The following PCDH11X variants were observed in gnomAD, a reference collection of about 807,000 sequenced individuals.
PCDH11X encodes protocadherin 11 X-linked, also known as protocadherin-11 X-linked.
A neutral mutation model predicts 53.3 loss-of-function variants in PCDH11X; 18 were observed. The ratio of observed to expected loss-of-function variants is 0.34; its 90% CI spans 0.23 to 0.50. The LOEUF (loss-of-function observed/expected upper bound fraction) is 0.50, where lower values mean the gene tolerates loss of function less well. Among genes scored for constraint, PCDH11X ranks in the 20% least tolerant of loss-of-function variants. The pLI is 0.98. For synonymous variants in PCDH11X, 279 were observed against 393.3 expected (o/e 0.71, Z 3.44); for missense variants, 570 against 1,032.4 (o/e 0.55, Z 6.14).
intron 6 of PCDH11X, among the ~76,000 whole-genome samples, chrX:92,077,562 A>ATGAG (rs2063791723): frequency 1.8e-5 from 2 of 109,957 alleles, no homozygotes; most frequent in Non-Finnish European, 3.8e-5. Context: ...TTGCTTCTAC[A>ATGAG]GCAGGCCTCA....
intron 6 of PCDH11X, among the ~76,000 whole-genome samples, chrX:92,013,347 A>G (rs1326798166): frequency 1.1e-4 from 12 of 111,621 alleles, no homozygotes; most frequent in Non-Finnish European, 1.7e-4. Context: ...ACCTCTTCGA[A>G]GAGAACTACA....
intron 6 of PCDH11X, among the ~76,000 whole-genome samples, chrX:91,908,213 C>G (rs746524053): frequency 9.0e-6 from 1 of 111,654 alleles, no homozygotes; most frequent in South Asian, 3.7e-4. Context: ...GCAAAACAAT[C>G]AAGTAAACAG....
In PCDH11X at chrX:92,591,726, C is replaced by T. The variant is rs1404430118; in HGVS notation, c.3368-26538C>T. On this transcript the variant is annotated intron_variant, in intron 10 of 10. Coordinates refer to ENST00000682573, the MANE Select transcript of PCDH11X (RefSeq NM_032968.5). ...CAGGTAGCCAGTCTGAGAGGACAAG[C>T]GGTCTGAGATGAATCAGCATGTTCT... 5.4e-5 allele frequency among the ~76,000 whole-genome samples: 6 copies of T among 111,478 alleles called. No homozygotes were observed. In the South Asian group the frequency reaches 1.5e-3, roughly 28 times the overall value.
At chrX:91,907,370 A>AAC (rs777259208) in intron 6 of PCDH11X, among the ~76,000 whole-genome samples, 715 of 36,052 alleles carry the variant, frequency 0.02, 24 homozygotes, top group African/African-American at 0.05. Context: ...CACCACCCTC[A>AAC]ACACACACAC....
intron 9 of PCDH11X, among the ~76,000 whole-genome samples, chrX:92,415,999 T>A (rs1015693534): frequency 1.8e-5 from 2 of 111,967 alleles, no homozygotes; most frequent in African/African-American, 6.5e-5. Flanking sequence ...GTTTATTATA[T>A]GAGAGTGAAC....
intron 8 of PCDH11X, among the ~76,000 whole-genome samples, chrX:92,293,552 G>A (rs2148460354): frequency 9.3e-6 from 1 of 107,551 alleles, no homozygotes; most frequent in East Asian, 3.0e-4. Context: ...TGAACCAGGA[G>A]GCGGAGCTGG....
At chrX:92,026,266 C>A (rs1463235751) in intron 6 of PCDH11X, among the ~76,000 whole-genome samples, 1 of 110,462 alleles carries the variant, frequency 9.1e-6, no homozygotes, top group Non-Finnish European at 1.9e-5. Context: ...TTTCAGTGTC[C>A]ATAAATGAAG....
At chrX:92,432,688 A>G (rs1227912187) in intron 9 of PCDH11X, among the ~76,000 whole-genome samples, 3 of 108,678 alleles carry the variant, frequency 2.8e-5, no homozygotes, top group Non-Finnish European at 5.8e-5. Context: ...ATTTGTTCAC[A>G]TATATGATAG....
chrX:92,368,988 T>C (rs1347377555), intron 8 of PCDH11X, among the ~76,000 whole-genome samples: 1 of 98,638 alleles, frequency 1.0e-5, no homozygotes, highest in Non-Finnish European at 2.1e-5. Context: ...AGGGACCTAC[T>C]TGAGGAGGCC....
chrX:92,465,723 G>A (rs1384031580), intron 9 of PCDH11X, among the ~76,000 whole-genome samples: 8 of 111,212 alleles, frequency 7.2e-5, no homozygotes, highest in South Asian at 7.4e-4. Context: ...GTGTGTATGC[G>A]ATAATGTAGC....
chrX:92,183,004 C>T (rs5942147), intron 6 of PCDH11X, among the ~76,000 whole-genome samples: 55,465 of 109,771 alleles, frequency 0.51, 10,623 homozygotes, highest in Non-Finnish European at 0.6. Flanking sequence ...TCTCTGTTGC[C>T]CCTGAAAAGA....
chrX:92,440,626 C>T (rs1207620246), intron 9 of PCDH11X, among the ~76,000 whole-genome samples: 6 of 110,810 alleles, frequency 5.4e-5, no homozygotes, highest in Non-Finnish European at 9.4e-5. Context: ...GTGACTTGCC[C>T]CTCCTTGCCT....
intron 8 of PCDH11X, among the ~76,000 whole-genome samples, chrX:92,315,649 C>T (rs1361031422): frequency 9.1e-6 from 1 of 109,321 alleles, no homozygotes; most frequent in Non-Finnish European, 1.9e-5. Flanking sequence ...CGATCCTCAA[C>T]ATCATCCTCT....
chrX:92,014,904 A>T (rs1233917157), intron 6 of PCDH11X, among the ~76,000 whole-genome samples: 2 of 110,616 alleles, frequency 1.8e-5, no homozygotes, highest in African/African-American at 6.6e-5. Flanking sequence ...GGGAGTGGGG[A>T]TGGATAGCAT....
chrX:92,283,629 C>G (rs1176145950), intron 8 of PCDH11X, among the ~76,000 whole-genome samples: 1 of 111,612 alleles, frequency 9.0e-6, no homozygotes, highest in Non-Finnish European at 1.9e-5. Context: ...TTTTCTAACA[C>G]CAAGGGATTA....
intron 6 of PCDH11X, among the ~76,000 whole-genome samples, chrX:91,978,760 A>G (rs1334995292): frequency 8.9e-6 from 1 of 112,632 alleles, no homozygotes; most frequent in East Asian, 2.8e-4. Context: ...TGATAAAGAC[A>G]GGGGTCAGGG....
At chrX:92,354,742 A>G (rs2070149428) in intron 8 of PCDH11X, among the ~76,000 whole-genome samples, 1 of 111,740 alleles carries the variant, frequency 8.9e-6, no homozygotes, top group Admixed American at 9.5e-5. Flanking sequence ...ACAGTCAAGG[A>G]GAAAATGAAA....
intron 8 of PCDH11X, among the ~76,000 whole-genome samples, chrX:92,326,475 C>G (rs985612407): frequency 9.9e-6 from 1 of 101,307 alleles, no homozygotes; most frequent in Non-Finnish European, 2.0e-5. Flanking sequence ...ATTCTATCTA[C>G]CTTTTGATGG....
chrX:92,443,651 G>C (rs1382855066), intron 9 of PCDH11X, among the ~76,000 whole-genome samples: 41 of 110,289 alleles, frequency 3.7e-4, no homozygotes, highest in Middle Eastern at 4.7e-3. Context: ...GATTCTTATA[G>C]TTAGAGGTTT....
Sources: allele counts gnomAD v4.1 joint callset (sites outside exome capture counted in the v4.1 genomes callset), GRCh38; gene constraint gnomAD v4.1.1; transcripts MANE v1.5; gene names NCBI Gene and HGNC (gene_info 2026-07-23, HGNC 2026-07-21).